ERC2: variants seen among roughly 807,000 people sequenced by gnomAD.
The protein encoded by ERC2 is ERC protein 2.
Under a neutral mutation model 114.8 loss-of-function variants are expected in ERC2, and 42 were observed. The observed-to-expected ratio is 0.37, with a 90% CI of 0.29 to 0.47. The LOEUF is 0.47. ERC2 is among the 20% of genes least tolerant of loss of function. The probability of loss-of-function intolerance (pLI) is 0.99; values close to 1 mark genes in which losing one functional copy is unlikely to be tolerated. For synonymous variants in ERC2, 454 were observed against 425.5 expected (o/e 1.07, Z -0.82); for missense variants, 939 against 1,150.7 (o/e 0.82, Z 2.66).
intron 14 of ERC2, among the ~76,000 whole-genome samples, chr3:55,808,721 ATATATATATATATATATAT>A (rs2059590799): frequency 1.6e-5 from 2 of 122,206 alleles, no homozygotes; most frequent in Admixed American, 8.2e-5. Context: ...ATATATATAT[ATATATATATATATATATAT>A]ATAACGTATA....
chr3:55,683,934 C>T, intron 16 of ERC2, 75 bp from the exon 17 acceptor site: 1 of 1,492,580 alleles, frequency 6.7e-7, no homozygotes, highest in Non-Finnish European at 9.2e-7. Context: ...AGGTTAGTTA[C>T]ACCGAGATGC....
intron 17 of ERC2, among the ~76,000 whole-genome samples, chr3:55,640,256 A>C (rs958534439): frequency 1.2e-4 from 19 of 152,210 alleles, no homozygotes; most frequent in Non-Finnish European, 4.4e-5. Context: ...ATGAGATTCC[A>C]GGTTTTTCTA....
chr3:56,332,072 C>T (rs2057644101), intron 2 of ERC2, among the ~76,000 whole-genome samples: 1 of 152,078 alleles, frequency 6.6e-6, no homozygotes, highest in Non-Finnish European at 1.5e-5. Context: ...TAACAGCTGC[C>T]TTAAGGATCC....
chr3:55,810,166 C>CA (rs564916370), intron 14 of ERC2, among the ~76,000 whole-genome samples: 128 of 152,008 alleles, frequency 8.4e-4, no homozygotes, highest in African/African-American at 3.1e-3. Flanking sequence ...ATCCCTGCTC[C>CA]TTTTTTTTCT....
chr3:55,656,241 T>C (rs1468505323), intron 17 of ERC2, among the ~76,000 whole-genome samples: 1 of 152,182 alleles, frequency 6.6e-6, no homozygotes, highest in African/African-American at 2.4e-5. Flanking sequence ...TGGTCTCAAG[T>C]GATCTTCCTG....
At chr3:55,655,758 A>G (rs1575969164) in intron 17 of ERC2, among the ~76,000 whole-genome samples, 1 of 152,348 alleles carries the variant, frequency 6.6e-6, no homozygotes. Flanking sequence ...TAGATCATAC[A>G]TAGAAAAGTA....
chr3:55,905,786 C>T (rs2064398877), intron 13 of ERC2, among the ~76,000 whole-genome samples: 1 of 152,058 alleles, frequency 6.6e-6, no homozygotes. Flanking sequence ...GCCTTGTTTC[C>T]AGGCCCCTTC....
chr3:55,764,965 A>C (rs1367053042), intron 14 of ERC2, among the ~76,000 whole-genome samples: 1 of 152,116 alleles, frequency 6.6e-6, no homozygotes, highest in Non-Finnish European at 1.5e-5. Context: ...TCAGCTGCCA[A>C]ATTATACAGC....
chr3:55,771,857 C>G (rs2068230509), intron 14 of ERC2, among the ~76,000 whole-genome samples: 3 of 152,178 alleles, frequency 2.0e-5, no homozygotes, highest in Admixed American at 2.0e-4. Flanking sequence ...CACAGGATGT[C>G]TGTAATTATG....
intron 7 of ERC2, among the ~76,000 whole-genome samples, chr3:56,040,214 C>G (rs1039172712): frequency 3.3e-5 from 5 of 152,094 alleles, no homozygotes; most frequent in Non-Finnish European, 5.9e-5. Flanking sequence ...ACAGATGTTA[C>G]AATTTTTCTT....
intron 13 of ERC2, among the ~76,000 whole-genome samples, chr3:55,907,445 T>C (rs1036425475): frequency 6.6e-6 from 1 of 152,162 alleles, no homozygotes; most frequent in Non-Finnish European, 1.5e-5. Flanking sequence ...TAGCATCAGG[T>C]ACGTACTCAG....
intron 3 of ERC2, among the ~76,000 whole-genome samples, chr3:56,210,899 G>A (rs1427096866): frequency 6.6e-6 from 1 of 152,048 alleles, no homozygotes; most frequent in Non-Finnish European, 1.5e-5. Context: ...CCATTTTACA[G>A]AAGTTGAAAC....
At chr3:56,464,934 AT>A (rs1285784184) in intron 1 of ERC2, among the ~76,000 whole-genome samples, 1 of 152,156 alleles carries the variant, frequency 6.6e-6, no homozygotes, top group Non-Finnish European at 1.5e-5. Flanking sequence ...GCAAATGCAG[AT>A]TGTACAAAAG....
At chr3:56,229,082 T>A (rs1310301228) in intron 3 of ERC2, among the ~76,000 whole-genome samples, 1 of 152,182 alleles carries the variant, frequency 6.6e-6, no homozygotes, top group Admixed American at 6.5e-5. Context: ...ATTTAAAATA[T>A]ACCCAACATA....
At chr3:55,684,803 G>A (rs2062241001) in intron 16 of ERC2, among the ~76,000 whole-genome samples, 1 of 152,176 alleles carries the variant, frequency 6.6e-6, no homozygotes, top group Non-Finnish European at 1.5e-5. Context: ...TGCAAGGATT[G>A]AAACATACCC....
chr3:55,749,654 G>A (rs4299452), intron 14 of ERC2, among the ~76,000 whole-genome samples: 2,745 of 152,246 alleles, frequency 0.018, 36 homozygotes, highest in Middle Eastern at 0.031. Context: ...CCAATTGCAG[G>A]GAGGATTGAA....
rs553196219 is a variant in ERC2, at chr3:56,019,594, T to C, written c.1642-563A>G. On this transcript the variant is annotated intron_variant, in intron 7 of 17. Coordinates refer to ENST00000288221, the MANE Select transcript of ERC2 (RefSeq NM_015576.3). ...TAGGTTATCACCAGCAGACTGTTAA[T>C]GGGAAGAACTTGTGATATAAGTCAA... 1.1e-3 allele frequency among the ~76,000 whole-genome samples: 172 copies of C among 152,272 alleles called. 1 individual carries two copies. The highest frequency in any genetic ancestry group is 3.8e-3 in the African/African-American group (158 of 41,560).
At chr3:55,635,162 C>T (rs1195246155) in intron 17 of ERC2, among the ~76,000 whole-genome samples, 5 of 151,784 alleles carry the variant, frequency 3.3e-5, no homozygotes, top group East Asian at 1.9e-4. Context: ...GGATTACAGG[C>T]GTGAGCCACC....
chr3:55,531,715 A>G (rs1421965494), intron 17 of ERC2, among the ~76,000 whole-genome samples: 1 of 152,148 alleles, frequency 6.6e-6, no homozygotes, highest in African/African-American at 2.4e-5. Context: ...CAGGCCCAGG[A>G]TTTCAGCTCA....
Sources: allele counts gnomAD v4.1 joint callset (sites outside exome capture counted in the v4.1 genomes callset), GRCh38; gene constraint gnomAD v4.1.1; transcripts MANE v1.5; gene names NCBI Gene and HGNC (gene_info 2026-07-23, HGNC 2026-07-21).